The following SLC39A11 variants were observed in gnomAD, a reference collection of about 807,000 sequenced individuals.
SLC39A11 encodes the protein solute carrier family 39 member 11.
SLC39A11 carries 33 observed loss-of-function variants against 36.1 expected under a neutral mutation model. The observed-to-expected ratio is 0.91, with a 90% CI of 0.69 to 1.22. SLC39A11 has a LOEUF of 1.22. Among genes scored for constraint, SLC39A11 ranks in the 50% most tolerant of loss-of-function variants. SLC39A11 has a pLI of 0.00. For synonymous variants in SLC39A11, 166 were observed against 170.3 expected (o/e 0.97, Z 0.20); for missense variants, 432 against 430.3 (o/e 1.00, Z -0.03).
At chr17:73,084,611 G>A (rs1263359591) in intron 3 of SLC39A11, among the ~76,000 whole-genome samples, 197 bp downstream of exon 3, 3 of 152,008 alleles carry the variant, frequency 2.0e-5, no homozygotes, top group South Asian at 2.1e-4. Context: ...AATAAACCTC[G>A]ATTGCTGTCT....
At chr17:73,081,240 T>C (rs2060499850) in intron 3 of SLC39A11, among the ~76,000 whole-genome samples, 1 of 152,100 alleles carries the variant, frequency 6.6e-6, no homozygotes, top group Non-Finnish European at 1.5e-5. Context: ...TCACTAATGA[T>C]CAGGGAAATG....
At chr17:72,924,230 C>T (rs932976115) in intron 5 of SLC39A11, among the ~76,000 whole-genome samples, 5 of 146,822 alleles carry the variant, frequency 3.4e-5, no homozygotes, top group South Asian at 2.2e-4. Flanking sequence ...ACTAAGGGCA[C>T]GTTAAAGTCT....
Position 73,033,749 on chromosome 17 carries a change from T to A in SLC39A11, c.148-2035A>T, listed in dbSNP as rs561878790. 1.2e-4 allele frequency among the ~76,000 whole-genome samples: 19 copies of A among 152,312 alleles called. No individual in the cohort carries two copies. The South Asian group carries it at 3.9e-3, about 32-fold the overall frequency. On this transcript the variant is annotated intron_variant, in intron 3 of 9. Transcript: ENST00000255559. ...GAATGGGTTTCTAAAAATTACTTAA[T>A]TATGCCTTGCCTTAAAAAATCATCT... is the stretch of plus-strand genomic sequence containing the variant.
At chr17:72,878,244 G>T (rs2081021130) in intron 5 of SLC39A11, among the ~76,000 whole-genome samples, 1 of 152,068 alleles carries the variant, frequency 6.6e-6, no homozygotes, top group Non-Finnish European at 1.5e-5. Context: ...AACCAGGGCA[G>T]TCCGTCCCTA....
intron 6 of SLC39A11, among the ~76,000 whole-genome samples, chr17:72,780,530 G>GT (rs2076279897): frequency 9.0e-6 from 1 of 111,432 alleles, no homozygotes; most frequent in Non-Finnish European, 1.9e-5. Flanking sequence ...TGGGGGGCGG[G>GT]TGGGGGCACA....
At chr17:72,665,400 T>TTG (rs987642741) in intron 7 of SLC39A11, among the ~76,000 whole-genome samples, 1 of 138,408 alleles carries the variant, frequency 7.2e-6, no homozygotes, top group African/African-American at 2.7e-5. Context: ...TTTTTTTTTT[T>TTG]TTTTTTTTTT....
chr17:72,812,471 A>G (rs1293660962), intron 6 of SLC39A11, among the ~76,000 whole-genome samples: 2 of 152,258 alleles, frequency 1.3e-5, no homozygotes, highest in Admixed American at 1.3e-4. Context: ...TCAGATTGCA[A>G]AAGAAATGGT....
At chr17:72,949,609 C>T (rs972723072) in intron 4 of SLC39A11, among the ~76,000 whole-genome samples, 3 of 151,904 alleles carry the variant, frequency 2.0e-5, no homozygotes, top group South Asian at 2.1e-4. Context: ...CTCTTTCACA[C>T]GTCTTTCATT....
rs539532755 is a variant in SLC39A11, at chr17:72,951,484, G to GT, written c.307-3610dup. Among the ~76,000 whole-genome samples the GT allele has an allele frequency of 1.7e-4, 26 of 152,250 alleles. No individual in the cohort carries two copies. The East Asian group carries it at 4.8e-3, about 28-fold the overall frequency. On this transcript the variant is annotated intron_variant, in intron 4 of 9. Coordinates refer to ENST00000255559, the MANE Select transcript of SLC39A11 (RefSeq NM_139177.4). ...TAGATTTCTGTTAAGTGTCAACTCT[G>GT]TATCAGAGATGCTCCAGGTACTGGC...
chr17:72,880,539 C>T (rs1167709532), intron 5 of SLC39A11, among the ~76,000 whole-genome samples: 1 of 152,030 alleles, frequency 6.6e-6, no homozygotes, highest in Non-Finnish European at 1.5e-5. Flanking sequence ...CTCAACTGCA[C>T]TCCAGACCTG....
At chr17:72,741,302 C>T (rs1467196137) in intron 6 of SLC39A11, among the ~76,000 whole-genome samples, 1 of 152,200 alleles carries the variant, frequency 6.6e-6, no homozygotes, top group African/African-American at 2.4e-5. Context: ...AGCGATCCTC[C>T]TGCCTCAGCC....
chr17:73,087,069 C>CAAACAA (rs1568253812), intron 2 of SLC39A11, among the ~76,000 whole-genome samples: 1 of 150,856 alleles, frequency 6.6e-6, no homozygotes, highest in African/African-American at 2.4e-5. Flanking sequence ...AAAAAAAAAA[C>CAAACAA]AAACAAAAAC....
At chr17:72,855,784 C>T (rs577568645) in intron 5 of SLC39A11, among the ~76,000 whole-genome samples, 2 of 152,126 alleles carry the variant, frequency 1.3e-5, no homozygotes, top group East Asian at 3.9e-4. Context: ...GTAGTCCTAG[C>T]TACTTGGGAG....
intron 3 of SLC39A11, among the ~76,000 whole-genome samples, chr17:73,035,602 T>C (rs907643096): frequency 4.6e-5 from 7 of 152,046 alleles, no homozygotes; most frequent in Non-Finnish European, 1.0e-4. Flanking sequence ...GTGGGACCAA[T>C]GTAACCACAG....
chr17:72,716,452 T>C lies in SLC39A11; in HGVS notation c.671+20198A>G, dbSNP rs116897009. Among the ~76,000 whole-genome samples the C allele has an allele frequency of 5.4e-3, 825 of 151,436 alleles. 3 individuals are homozygous for C. Among genetic ancestry groups the C allele is most frequent in the Non-Finnish European group, 8.5e-3 (574 of 67,916 alleles). On this transcript the variant is annotated intron_variant, in intron 7 of 9. Transcript: ENST00000255559. ...TCTTACGACAGTTTAATAGCTCCAA[T>C]ACGGGGGACAGCCCTGACTCTCCCA... is the stretch of plus-strand genomic sequence containing the variant.
intron 6 of SLC39A11, among the ~76,000 whole-genome samples, chr17:72,789,460 A>C (rs993373394): frequency 9.2e-5 from 14 of 152,210 alleles, no homozygotes; most frequent in African/African-American, 3.1e-4. Context: ...CACGAAATGA[A>C]GAATGGTTTT....
At chr17:72,708,648 T>C (rs1308209810) in intron 7 of SLC39A11, among the ~76,000 whole-genome samples, 3 of 152,210 alleles carry the variant, frequency 2.0e-5, no homozygotes, top group African/African-American at 7.2e-5. Context: ...GCATTGCTTC[T>C]CCATTCTTCT....
chr17:72,861,740 TTATATATA>T (rs71945815), intron 5 of SLC39A11, among the ~76,000 whole-genome samples: 3,547 of 67,090 alleles, frequency 0.053, 103 homozygotes, highest in Admixed American at 0.075. Context: ...ACATTGGAGA[TTATATATA>T]TATATATATA....
intron 6 of SLC39A11, among the ~76,000 whole-genome samples, chr17:72,758,240 C>A (rs544411493): frequency 3.3e-5 from 5 of 152,152 alleles, no homozygotes; most frequent in African/African-American, 1.2e-4. Context: ...ATCAATTAGT[C>A]AGTCAAAGAT....
Sources: gnomAD v4.1 joint callset for allele counts (sites outside exome capture counted in the v4.1 genomes callset) on GRCh38, gnomAD v4.1.1 for gene constraint, MANE v1.5 for transcripts, NCBI Gene and HGNC (gene_info 2026-07-23, HGNC 2026-07-21) for gene names.